The following FRMPD1 variants were observed in gnomAD, a reference collection of about 807,000 sequenced individuals.
FRMPD1 encodes FERM and PDZ domain-containing protein 1.
FRMPD1 carries 76 observed loss-of-function variants against 117.8 expected under a neutral mutation model. That is an observed-to-expected ratio of 0.65 (90% CI 0.54 to 0.78). The LOEUF is 0.78. Among genes scored for constraint, FRMPD1 ranks in the 30% least tolerant of loss-of-function variants. The pLI is 0.00. For synonymous variants in FRMPD1, 783 were observed against 770.4 expected, an observed-to-expected ratio of 1.02 and a Z score of -0.27; for missense variants, 1,786 against 1,964.5, an observed-to-expected ratio of 0.91 and a Z score of 1.72.
Position 37,664,297 on chromosome 9 carries a change from G to GTATA in FRMPD1, c.-5+13206_-5+13207insATAT, listed in dbSNP as rs1361519604. On this transcript the variant is annotated intron_variant, in intron 1 of 15. Transcript: ENST00000377765. The stretch of plus-strand genomic sequence containing the variant: ...CATCGACATTTATGTATGTATGTAT[G>GTATA]TATGTATGTATTTATTTATTTATTT... 1.4e-5 allele frequency among the ~76,000 whole-genome samples: 2 copies of GTATA among 144,540 alleles called. 1 individual carries two copies. The highest frequency in any genetic ancestry group is 4.2e-4 in the East Asian group (2 of 4,722). 94.8% of individuals were successfully genotyped at this position (144,540 alleles called of 152,430 possible).
chr9:37,717,116 G>T (rs1319736472), intron 5 of FRMPD1, among the ~76,000 whole-genome samples: 2 of 152,002 alleles, frequency 1.3e-5, no homozygotes, highest in African/African-American at 4.8e-5. Context: ...CAAATGCTTT[G>T]CAAGAATGAA....
Position 37,732,379 on chromosome 9 carries a change from C to G in FRMPD1, c.934C>G (p.His312Asp). The change falls in exon 10 of 16, where the codon CAC (histidine) becomes GAC (aspartate). Residue 312 changes from histidine (H) to aspartate (D), a missense_variant. His to Asp is a moderately conservative substitution (Grantham distance 81, BLOSUM62 -1). Transcript: ENST00000377765. ...CTCTGCACTCCGACTCGCGGCTCTG[C>G]ACATCCAGGAACGGATCTACGCCTG... ...CSSALRLAAL[H>D]IQERIYACAQ... 6.2e-7 allele frequency: 1 copy of G among 1,613,858 alleles called. No individual in the cohort carries two copies. The highest frequency in any genetic ancestry group is 1.1e-5 in the South Asian group (1 of 91,084).
intron 5 of FRMPD1, among the ~76,000 whole-genome samples, chr9:37,712,786 A>G (rs1822959246): frequency 6.6e-6 from 1 of 152,256 alleles, no homozygotes. Flanking sequence ...AAGTTAGAAG[A>G]AAAGATTAAT....
intron 1 of FRMPD1, among the ~76,000 whole-genome samples, chr9:37,652,505 T>C (rs1203320461): frequency 1.3e-5 from 2 of 152,216 alleles, no homozygotes; most frequent in Non-Finnish European, 2.9e-5. Context: ...ACAGAAGTGA[T>C]TTTATGATTT....
chr9:37,626,763 T>C, the FRMPD1 span, among the ~76,000 whole-genome samples: 6 of 151,980 alleles, frequency 3.9e-5, no homozygotes, highest in East Asian at 7.7e-4. Context: ...CATTCCAGTC[T>C]GGGCAACAGA....
At chr9:37,640,136 C>T in the FRMPD1 span, among the ~76,000 whole-genome samples, 5 of 152,126 alleles carry the variant, frequency 3.3e-5, no homozygotes, top group African/African-American at 1.2e-4. Context: ...AAATTGGATA[C>T]CGATACCTCA....
chr9:37,729,999 T>C (rs745383848), intron 8 of FRMPD1, 146 bp downstream of exon 8: 7 of 767,042 alleles, frequency 9.1e-6, no homozygotes, highest in Non-Finnish European at 1.2e-5. Context: ...TCACTCAGCC[T>C]GGGGGTTATG....
upstream of FRMPD1, among the ~76,000 whole-genome samples, chr9:37,648,007 T>C (rs1824173954): frequency 6.6e-6 from 1 of 152,352 alleles, no homozygotes; most frequent in East Asian, 1.9e-4. Flanking sequence ...TCCTTCTCTC[T>C]GTAAAATAAG....
At chr9:37,658,373 G>A (rs1820902187) in intron 1 of FRMPD1, among the ~76,000 whole-genome samples, 1 of 152,218 alleles carries the variant, frequency 6.6e-6, no homozygotes, top group Non-Finnish European at 1.5e-5. Flanking sequence ...TTGACGTGGG[G>A]TCGGGTGAGT....
chr9:37,628,354 T>G, the FRMPD1 span, among the ~76,000 whole-genome samples: 3 of 152,160 alleles, frequency 2.0e-5, no homozygotes, highest in African/African-American at 7.2e-5. Flanking sequence ...ACACTTGGAC[T>G]CAGGACAAAA....
At chr9:37,620,695 A>G in the FRMPD1 span, among the ~76,000 whole-genome samples, 1 of 152,044 alleles carries the variant, frequency 6.6e-6, no homozygotes, top group Admixed American at 6.5e-5. Flanking sequence ...CTGTATTTAT[A>G]TGCTATAGAA....
At chr9:37,656,459 T>C (rs1196845700) in intron 1 of FRMPD1, among the ~76,000 whole-genome samples, 6 of 152,202 alleles carry the variant, frequency 3.9e-5, no homozygotes, top group African/African-American at 1.4e-4. Context: ...TATAAAAGCG[T>C]TCCTTACTGT....
the FRMPD1 span, among the ~76,000 whole-genome samples, chr9:37,626,077 A>G: frequency 6.6e-6 from 1 of 152,056 alleles, no homozygotes; most frequent in Admixed American, 6.5e-5. Flanking sequence ...CTGTAATCTC[A>G]GCACTTTAAG....
intron 1 of FRMPD1, among the ~76,000 whole-genome samples, chr9:37,675,396 G>T (rs1821491605): frequency 6.6e-6 from 1 of 150,436 alleles, no homozygotes; most frequent in African/African-American, 2.5e-5. Flanking sequence ...ACTCCAGCCT[G>T]GGTGACAGAG....
chr9:37,658,476 A>G (rs527393599), intron 1 of FRMPD1, among the ~76,000 whole-genome samples: 2 of 152,166 alleles, frequency 1.3e-5, no homozygotes, highest in South Asian at 2.1e-4. Flanking sequence ...AATCACCTCA[A>G]TCTTGGCTTA....
chr9:37,607,980 G>T, the FRMPD1 span, among the ~76,000 whole-genome samples: 1 of 152,202 alleles, frequency 6.6e-6, no homozygotes, highest in South Asian at 2.1e-4. Flanking sequence ...GACATGGGTC[G>T]TGGCTTTTGT....
chr9:37,612,761 G>T, the FRMPD1 span, among the ~76,000 whole-genome samples: 8 of 152,102 alleles, frequency 5.3e-5, no homozygotes, highest in African/African-American at 1.9e-4. Flanking sequence ...CAAAGTGTTG[G>T]GATTACAGGC....
chr9:37,620,533 AT>A, the FRMPD1 span, among the ~76,000 whole-genome samples: 1 of 150,546 alleles, frequency 6.6e-6, no homozygotes, highest in Non-Finnish European at 1.5e-5. Flanking sequence ...AAAAAAAACT[AT>A]TTGGGGTAAT....
intron 1 of FRMPD1, among the ~76,000 whole-genome samples, chr9:37,659,367 C>G (rs1483085612): frequency 1.3e-5 from 2 of 152,178 alleles, no homozygotes; most frequent in African/African-American, 4.8e-5. Flanking sequence ...CGGGGCTGTT[C>G]CTATCACTCC....
Sources: allele counts gnomAD v4.1 joint callset (sites outside exome capture counted in the v4.1 genomes callset), GRCh38; gene constraint gnomAD v4.1.1; transcripts MANE v1.5; gene names NCBI Gene and HGNC (gene_info 2026-07-23, HGNC 2026-07-21).